Variants in RFC1 observed in about 807,000 individuals in gnomAD.
RFC1 encodes A1 140 kDa subunit.
Under a neutral mutation model 137.4 loss-of-function variants are expected in RFC1, and 37 were observed. That is an observed-to-expected ratio of 0.27 (90% CI 0.21 to 0.35). RFC1 has a LOEUF of 0.35. RFC1 is among the 10% of genes least tolerant of loss of function. The pLI is 1.00. For missense variants in RFC1, 1,205 were observed against 1,358.5 expected, an observed-to-expected ratio of 0.89 and a Z score of 1.78; for synonymous variants, 429 against 455.7, an observed-to-expected ratio of 0.94 and a Z score of 0.75.
At chr4:39,354,295 G>A (rs1401371015) in intron 1 of RFC1, among the ~76,000 whole-genome samples, 1 of 152,114 alleles carries the variant, frequency 6.6e-6, no homozygotes, top group Non-Finnish European at 1.5e-5. Flanking sequence ...CATCTAAGAG[G>A]CAAAGGTCAG....
At chr4:39,315,822 T>C (rs1043375974) in intron 10 of RFC1, among the ~76,000 whole-genome samples, 4 of 152,182 alleles carry the variant, frequency 2.6e-5, no homozygotes, top group Admixed American at 2.6e-4. Flanking sequence ...CTTCTCACCA[T>C]CTCTCCTGAT....
At chr4:39,336,444 C>A (rs919161755) in intron 4 of RFC1, among the ~76,000 whole-genome samples, 9 of 152,236 alleles carry the variant, frequency 5.9e-5, no homozygotes, top group African/African-American at 2.2e-4. Flanking sequence ...TAAGCATAAA[C>A]CAAGGCCTAA....
chr4:39,364,098 A>AG (rs1741900310), intron 1 of RFC1, among the ~76,000 whole-genome samples: 1 of 149,628 alleles, frequency 6.7e-6, no homozygotes. Flanking sequence ...AAAAAAAAAA[A>AG]AAAAGAAGAA....
At chr4:39,364,357 T>C (rs527795163) in intron 1 of RFC1, among the ~76,000 whole-genome samples, 6 of 152,266 alleles carry the variant, frequency 3.9e-5, no homozygotes, top group South Asian at 2.1e-4. Context: ...GTTTTGCTAA[T>C]TGTTGCACTA....
At chr4:39,353,047 C>CAA (rs1491305529) in intron 1 of RFC1, among the ~76,000 whole-genome samples, 1 of 150,520 alleles carries the variant, frequency 6.6e-6, no homozygotes, top group Non-Finnish European at 1.5e-5. Flanking sequence ...CACACACACA[C>CAA]AAATAACTGT....
At chr4:39,322,608 T>A (rs1044410325) in intron 7 of RFC1, among the ~76,000 whole-genome samples, 1 of 151,970 alleles carries the variant, frequency 6.6e-6, no homozygotes, top group African/African-American at 2.4e-5. Flanking sequence ...AGAACTCCTA[T>A]GATAAAGGAG....
chr4:39,299,238 T>C (rs1316678126), intron 21 of RFC1, among the ~76,000 whole-genome samples: 2 of 152,146 alleles, frequency 1.3e-5, no homozygotes, highest in Non-Finnish European at 2.9e-5. Flanking sequence ...TTAATATCTA[T>C]AGAAACAATG....
At chr4:39,318,070 T>C (rs1384007455) in intron 9 of RFC1, 1 of 151,834 alleles carries the variant, frequency 6.6e-6, no homozygotes, top group Non-Finnish European at 1.5e-5. Context: ...GGCAGGAGAA[T>C]GGCGTGAACC....
chr4:39,342,019 T>C (rs1365690254), intron 4 of RFC1, among the ~76,000 whole-genome samples: 5 of 152,214 alleles, frequency 3.3e-5, no homozygotes, highest in Admixed American at 2.0e-4. Context: ...ATTATTGACT[T>C]TGGCCTGCCA....
chr4:39,327,199 A>G (rs542921509), intron 5 of RFC1, among the ~76,000 whole-genome samples: 1 of 152,356 alleles, frequency 6.6e-6, no homozygotes, highest in Admixed American at 6.5e-5. Flanking sequence ...TCATTTGGAA[A>G]CAAATTTATC....
Position 39,300,409 on chromosome 4 carries a change from T to C in RFC1, c.2541A>G (p.Pro847=), listed in dbSNP as rs2066786. 0.55 allele frequency: 888,758 copies of C among 1,611,612 alleles called. 253,413 individuals are homozygous for C. The highest frequency in any genetic ancestry group is 0.64 in the East Asian group (28,832 of 44,860). The change falls in exon 20 of 25, where the codon CCA becomes CCG. Residue 847 remains proline, a synonymous_variant. Transcript: ENST00000349703. ...HRAKKDIKMG[P]FDVARKVFAA... ...CAAACACTTTCCGGGCAACATCAAA[T>C]GGGCCCTGAAAAAAGAGAGGGACAC...
chr4:39,306,223 G>A (rs559905680), intron 14 of RFC1, among the ~76,000 whole-genome samples: 30 of 152,232 alleles, frequency 2.0e-4, no homozygotes, highest in African/African-American at 7.0e-4. Flanking sequence ...TGACACATGT[G>A]GATGATGACA....
intron 1 of RFC1, among the ~76,000 whole-genome samples, chr4:39,364,752 C>T (rs940496905): frequency 9.2e-5 from 14 of 152,162 alleles, no homozygotes; most frequent in African/African-American, 3.1e-4. Flanking sequence ...ATCCCCAAAA[C>T]AATCACTATG....
At chr4:39,293,410 GA>G (rs1737796667) in intron 22 of RFC1, among the ~76,000 whole-genome samples, 1 of 152,060 alleles carries the variant, frequency 6.6e-6, no homozygotes, top group South Asian at 2.1e-4. Flanking sequence ...TTTCTTTGTG[GA>G]TCTGTGCATT....
intron 1 of RFC1, among the ~76,000 whole-genome samples, chr4:39,358,701 G>A (rs1270952584): frequency 6.6e-6 from 1 of 152,152 alleles, no homozygotes; most frequent in East Asian, 1.9e-4. Context: ...TTATGCTTTT[G>A]TGGATGAAAG....
At chr4:39,290,797 A>G (rs979041215) in intron 23 of RFC1, among the ~76,000 whole-genome samples, 3 of 146,262 alleles carry the variant, frequency 2.1e-5, no homozygotes, top group African/African-American at 7.9e-5. Context: ...CCTGGGCAAC[A>G]GAGCTAGACT....
chr4:39,325,799 G>T (rs934050797), intron 6 of RFC1, among the ~76,000 whole-genome samples: 4 of 152,178 alleles, frequency 2.6e-5, no homozygotes, highest in Non-Finnish European at 4.4e-5. Flanking sequence ...ATTACAAGCT[G>T]ACATCTCTCA....
chr4:39,366,151 C>T (rs1578184502), intron 1 of RFC1, 88 bp downstream of exon 1: 2 of 1,411,158 alleles, frequency 1.4e-6, no homozygotes, highest in African/African-American at 1.5e-5. Flanking sequence ...CATCCTCCCC[C>T]ACCCTGCATA....
intron 4 of RFC1, 136 bp downstream of exon 4, chr4:39,342,209 C>G: frequency 9.8e-7 from 1 of 1,019,636 alleles, no homozygotes; most frequent in Non-Finnish European, 1.4e-6. Flanking sequence ...TCCCAGCCTT[C>G]CCTGACAAAT....
Sources: allele counts gnomAD v4.1 joint callset (sites outside exome capture counted in the v4.1 genomes callset), GRCh38; gene constraint gnomAD v4.1.1; transcripts MANE v1.5; gene names NCBI Gene and HGNC (gene_info 2026-07-23, HGNC 2026-07-21).